Variants in CDH23 observed in about 807,000 individuals in gnomAD.
The protein encoded by CDH23 is cadherin related 23.
A neutral mutation model predicts 317.1 loss-of-function variants in CDH23; 189 were observed. That is an observed-to-expected ratio of 0.60 (90% CI 0.53 to 0.67). The LOEUF (loss-of-function observed/expected upper bound fraction) is 0.67. Ranked by LOEUF, CDH23 falls within the 30% of genes least tolerant of loss-of-function variation. The probability of loss-of-function intolerance (pLI) is 0.00; values close to 1 mark genes in which losing one functional copy is unlikely to be tolerated. For synonymous variants in CDH23, 1,839 were observed against 1,876.8 expected, an observed-to-expected ratio of 0.98 and a Z score of 0.52; for missense variants, 4,401 against 4,592.4, an observed-to-expected ratio of 0.96 and a Z score of 1.20.
intron 13 of CDH23, 43 bp downstream of exon 13, chr10:71,646,023 G>T: frequency 6.3e-7 from 1 of 1,588,686 alleles, no homozygotes. Flanking sequence ...GGTGGGGGGT[G>T]GATTTCAGGG....
In CDH23 at chr10:71,751,178, A is replaced by G. The variant is rs1839987611; in HGVS notation, c.4845+9257A>G. On this transcript the variant is annotated intron_variant, in intron 38 of 69. Coordinates refer to ENST00000224721, the MANE Select transcript of CDH23 (RefSeq NM_022124.6). The surrounding 1 kb of genome is among the most constrained non-coding windows in gnomAD (Gnocchi z 4.9). ...AACCAGGGCCGAGGCCAAGGAGGCC[A>G]CTCACAGAGCCAGCCCTGGCTCAAA... 3 of 1,522,052 alleles carry G rather than the reference A, an allele frequency of 2.0e-6. No homozygotes were observed. The highest frequency in any genetic ancestry group is 2.7e-6 in the Non-Finnish European group (3 of 1,119,312). The allele number at this position is 1,522,052 out of a possible 1,614,324, so 94.3% of individuals were successfully genotyped here.
chr10:71,709,544 C>T (rs535656186), intron 27 of CDH23, among the ~76,000 whole-genome samples: 15 of 152,296 alleles, frequency 9.8e-5, no homozygotes, highest in African/African-American at 3.4e-4. Flanking sequence ...GGAGAGGTCA[C>T]GGGAGGCTTC....
At chr10:71,809,717 C>T (rs1357109999) in intron 60 of CDH23, 103 bp from the exon 61 acceptor site, 31 of 1,492,106 alleles carry the variant, frequency 2.1e-5, no homozygotes, top group Admixed American at 4.0e-5. Context: ...GCATTTGTGC[C>T]GCCTCCCCTA....
intron 6 of CDH23, among the ~76,000 whole-genome samples, chr10:71,532,727 G>GTTT (rs200038577): frequency 6.4e-5 from 6 of 93,954 alleles, no homozygotes; most frequent in Admixed American, 2.5e-4. Context: ...TTTTTTTTTT[G>GTTT]TTTTTTTTTT....
intron 1 of CDH23, among the ~76,000 whole-genome samples, chr10:71,400,868 T>C (rs763457729): frequency 6.6e-6 from 1 of 152,230 alleles, no homozygotes; most frequent in Non-Finnish European, 1.5e-5. Flanking sequence ...ACTGTTTTCT[T>C]GAACCCCCAG....
At chr10:71,768,996 T>C (rs1005482694) in intron 38 of CDH23, among the ~76,000 whole-genome samples, 32 of 152,204 alleles carry the variant, frequency 2.1e-4, no homozygotes, top group Admixed American at 1.3e-4. Context: ...CTCTAGAGAA[T>C]AGAGGTAGCT....
chr10:71,538,419 C>G (rs1855818464), intron 6 of CDH23, among the ~76,000 whole-genome samples: 1 of 151,810 alleles, frequency 6.6e-6, no homozygotes. Context: ...TGTCTGGCCT[C>G]ACTCGACGTT....
intron 11 of CDH23, among the ~76,000 whole-genome samples, chr10:71,641,581 G>T (rs193113748): frequency 1.6e-3 from 243 of 152,272 alleles, no homozygotes; most frequent in Non-Finnish European, 2.9e-3. Flanking sequence ...GATCAGCGTC[G>T]CCTGGAACTT....
At chr10:71,473,477 G>C (rs543059309) in intron 3 of CDH23, among the ~76,000 whole-genome samples, 33 of 152,142 alleles carry the variant, frequency 2.2e-4, no homozygotes, top group Non-Finnish European at 4.3e-4. Context: ...GCCCCTTTTG[G>C]GGGTGAGGTT....
At chr10:71,774,053 A>ACG (rs1174925815) in intron 38 of CDH23, among the ~76,000 whole-genome samples, 1 of 52,608 alleles carries the variant, frequency 1.9e-5, no homozygotes. Flanking sequence ...GCGCGCGCGC[A>ACG]CACACACACA....
intron 6 of CDH23, among the ~76,000 whole-genome samples, chr10:71,561,848 G>A (rs561142157): frequency 6.6e-6 from 1 of 151,964 alleles, no homozygotes; most frequent in Admixed American, 6.6e-5. Context: ...GGGCAGGGGG[G>A]TACCATGAAG....
intron 41 of CDH23, 97 bp downstream of exon 41, chr10:71,779,544 A>T (rs1564789721): frequency 6.7e-6 from 7 of 1,045,380 alleles, no homozygotes; most frequent in Non-Finnish European, 8.1e-6. Flanking sequence ...TGGCCTCACC[A>T]TTGTGTGATT....
chr10:71,678,976 G>A (rs1024783779), intron 16 of CDH23, among the ~76,000 whole-genome samples: 1 of 152,176 alleles, frequency 6.6e-6, no homozygotes, highest in Non-Finnish European at 1.5e-5. Context: ...GGGACCAATG[G>A]GGTATGCAAC....
At chr10:71,790,612 G>C (rs1841223503) in intron 46 of CDH23, 199 bp downstream of exon 46, 2 of 667,978 alleles carry the variant, frequency 3.0e-6, no homozygotes, top group Non-Finnish European at 5.0e-6. Flanking sequence ...AAGAGGCTTG[G>C]AGACGATACA....
At chr10:71,772,545 T>G (rs897850098) in intron 38 of CDH23, among the ~76,000 whole-genome samples, 2 of 152,224 alleles carry the variant, frequency 1.3e-5, no homozygotes, top group Non-Finnish European at 2.9e-5. Flanking sequence ...GGATACTATC[T>G]GAACATGCTG....
chr10:71,625,747 G>A (rs1253857476), intron 11 of CDH23, among the ~76,000 whole-genome samples: 3 of 152,138 alleles, frequency 2.0e-5, no homozygotes, highest in Non-Finnish European at 4.4e-5. Context: ...GGGCCTCTTC[G>A]GCTTCCTTTC....
chr10:71,728,978 G>A (rs369027302), intron 30 of CDH23, among the ~76,000 whole-genome samples: 1 of 151,962 alleles, frequency 6.6e-6, no homozygotes, highest in Non-Finnish European at 1.5e-5. Flanking sequence ...CTACAGGTGC[G>A]TGCTATCACC....
Position 71,799,200 on chromosome 10 carries a change from C to G in CDH23, c.7144C>G (p.Arg2382Gly), listed in dbSNP as rs774081467. Residue 2382 changes from arginine (R) to glycine (G), a missense_variant, in exon 51 of 70, where the codon CGG (arginine) becomes GGG (glycine). Physicochemically the swap from Arg to Gly is moderately radical, Grantham distance 125 (BLOSUM62 -2). Coordinates refer to ENST00000224721, the MANE Select transcript of CDH23 (RefSeq NM_022124.6). ...GGCCTCAGACAACGGGTCCCCGCCC[C>G]GGGCAGCTGAGATCCCTGTCTACCT... ...VRASDNGSPP[R>G]AAEIPVYLEI... is the part of the protein sequence containing the mutation. 1.2e-6 allele frequency: 2 copies of G among 1,613,926 alleles called. No individual in the cohort carries two copies. The highest frequency in any genetic ancestry group is 1.7e-6 in the Non-Finnish European group (2 of 1,179,900).
At chr10:71,532,736 T>G (rs1201592983) in intron 6 of CDH23, among the ~76,000 whole-genome samples, 171 of 120,714 alleles carry the variant, frequency 1.4e-3, no homozygotes, top group African/African-American at 3.1e-3. Context: ...TGTTTTTTTT[T>G]TTTTTTTTTT....
Sources: allele counts gnomAD v4.1 joint callset (sites outside exome capture counted in the v4.1 genomes callset), GRCh38; gene constraint gnomAD v4.1.1; non-coding constraint Gnocchi (gnomAD v3.1); transcripts MANE v1.5; gene names NCBI Gene and HGNC (gene_info 2026-07-23, HGNC 2026-07-21).